Variants in RANBP9 observed in about 807,000 individuals in gnomAD.
RANBP9 encodes ran-binding protein 9.
In RANBP9, 15 loss-of-function variants were observed where a neutral mutation model predicts 84.3. The ratio of observed to expected loss-of-function variants is 0.18; its 90% confidence interval spans 0.12 to 0.27. The LOEUF (loss-of-function observed/expected upper bound fraction) is 0.27. Ranked by LOEUF, RANBP9 falls within the 10% of genes least tolerant of loss-of-function variation. The pLI is 1.00. For synonymous variants in RANBP9, 392 were observed against 349.6 expected (o/e 1.12, Z -1.35); for missense variants, 809 against 912.8 (o/e 0.89, Z 1.46).
In RANBP9 at chr6:13,634,489, A is replaced by G. The variant is rs748370413; in HGVS notation, c.1737T>C (p.Gly579=). 41 of 1,613,512 alleles carry G rather than the reference A, an allele frequency of 2.5e-5. No individual in the cohort carries two copies. The highest frequency in any genetic ancestry group is 3.4e-5 in the Non-Finnish European group (40 of 1,179,626). The change falls in exon 11 of 14, where the codon GGT becomes GGC. Residue 579 remains glycine, a synonymous_variant. Coordinates refer to ENST00000011619, the MANE Select transcript of RANBP9 (RefSeq NM_005493.3). ...CATGTTTAGAGCTACCATTTAGGAA[A>G]CCATTGGATGAAGTTTCTCCAACTC... ...SNGVGETSSN[G]FLNGSSKHDH...
intron 2 of RANBP9, among the ~76,000 whole-genome samples, chr6:13,675,736 A>C (rs1222754250): frequency 2.1e-5 from 3 of 146,048 alleles, no homozygotes; most frequent in East Asian, 2.0e-4. Context: ...GATAACCAAC[A>C]AAAAAAAAAC....
chr6:13,637,481 A>G (rs1436424091), intron 10 of RANBP9, among the ~76,000 whole-genome samples: 3 of 152,256 alleles, frequency 2.0e-5, no homozygotes, highest in Non-Finnish European at 2.9e-5. Context: ...CTGTGAAAAC[A>G]TAACAAATGG....
chr6:13,679,925 T>C (rs2113326035), intron 2 of RANBP9, among the ~76,000 whole-genome samples: 1 of 151,942 alleles, frequency 6.6e-6, no homozygotes, highest in Non-Finnish European at 1.5e-5. Flanking sequence ...TATAAATCGG[T>C]CAAAAAATAG....
At chr6:13,624,392 G>C (rs1764542423) in intron 13 of RANBP9, among the ~76,000 whole-genome samples, 1 of 152,046 alleles carries the variant, frequency 6.6e-6, no homozygotes, top group Admixed American at 6.6e-5. Context: ...AAACTAGTTT[G>C]AAATATGTGA....
chr6:13,634,145 G>T (rs1015296637), intron 11 of RANBP9, among the ~76,000 whole-genome samples: 1 of 152,108 alleles, frequency 6.6e-6, no homozygotes, highest in African/African-American at 2.4e-5. Flanking sequence ...ACCTAAAATA[G>T]CCTAGAGGCT....
At chr6:13,678,696 G>A (rs991941514) in intron 2 of RANBP9, among the ~76,000 whole-genome samples, 13 of 152,084 alleles carry the variant, frequency 8.5e-5, no homozygotes, top group African/African-American at 2.9e-4. Flanking sequence ...CTCTGGCCTG[G>A]ACTTTTCCGT....
chr6:13,705,870 A>G (rs1364981168), intron 1 of RANBP9, among the ~76,000 whole-genome samples: 1 of 148,748 alleles, frequency 6.7e-6, no homozygotes, highest in African/African-American at 2.5e-5. Context: ...CTCCGTCTCA[A>G]AAAAAAAAAA....
At chr6:13,690,903 C>T (rs917864857) in intron 2 of RANBP9, among the ~76,000 whole-genome samples, 14 of 152,014 alleles carry the variant, frequency 9.2e-5, no homozygotes, top group Admixed American at 6.6e-5. Flanking sequence ...TGGTGGCTCA[C>T]GTCTGTAATC....
At chr6:13,673,896 T>C (rs1765829218) in intron 2 of RANBP9, among the ~76,000 whole-genome samples, 1 of 151,966 alleles carries the variant, frequency 6.6e-6, no homozygotes, top group Non-Finnish European at 1.5e-5. Flanking sequence ...CAGCCTGGCC[T>C]ACATGGCAAA....
chr6:13,681,646 C>T (rs1057344817), intron 2 of RANBP9, among the ~76,000 whole-genome samples: 5 of 152,150 alleles, frequency 3.3e-5, no homozygotes, highest in Admixed American at 2.6e-4. Context: ...AAAAATGTTT[C>T]AAGTTTCCTT....
chr6:13,699,208 C>T (rs952812903), intron 1 of RANBP9, among the ~76,000 whole-genome samples: 8 of 152,232 alleles, frequency 5.3e-5, no homozygotes, highest in Admixed American at 3.9e-4. Context: ...AAATCCCATA[C>T]ATTTTTCCAT....
chr6:13,677,951 C>G (rs973294836), intron 2 of RANBP9, among the ~76,000 whole-genome samples: 16 of 151,952 alleles, frequency 1.1e-4, no homozygotes, highest in African/African-American at 3.9e-4. Flanking sequence ...AACCCCGTCT[C>G]TACATAAAAT....
At chr6:13,705,410 A>G (rs868108491) in intron 1 of RANBP9, among the ~76,000 whole-genome samples, 16 of 143,120 alleles carry the variant, frequency 1.1e-4, no homozygotes, top group African/African-American at 4.4e-4. Flanking sequence ...CTGTCTCAAA[A>G]AAAAAAAAAA....
rs115165065 is a variant in RANBP9 at position 13,649,260 on chromosome 6, A to G, written c.927+3399T>C. On this transcript the variant is annotated intron_variant, in intron 5 of 13. Transcript: ENST00000011619. ...GAAACCTAAAACCACCACTGTACCC[A>G]TTGTTACAACAAAGTTGCACATGAT... Among the ~76,000 whole-genome samples the G allele has an allele frequency of 3.2e-3, 488 of 152,256 alleles. 7 individuals are homozygous for G. The highest frequency in any genetic ancestry group is 0.011 in the African/African-American group (456 of 41,550).
intron 13 of RANBP9, among the ~76,000 whole-genome samples, chr6:13,625,139 G>T (rs958727014): frequency 6.6e-6 from 1 of 152,090 alleles, no homozygotes; most frequent in Non-Finnish European, 1.5e-5. Flanking sequence ...TTCTTCAAAT[G>T]TACCCTGTTC....
chr6:13,686,345 G>A (rs1270743649), intron 2 of RANBP9, among the ~76,000 whole-genome samples: 1 of 151,760 alleles, frequency 6.6e-6, no homozygotes, highest in Admixed American at 6.6e-5. Flanking sequence ...GAGTGCAGCG[G>A]CGCGATCTTG....
rs374516308 is a variant in RANBP9, at chr6:13,639,652, C to T, written c.1436G>A (p.Arg479Gln). 1.4e-5 allele frequency: 23 copies of T among 1,612,768 alleles called. No homozygotes were observed. The highest frequency in any genetic ancestry group is 6.7e-5 in the Admixed American group (4 of 59,982). Residue 479 changes from arginine (R) to glutamine (Q), a missense_variant, in exon 9 of 14, where the codon CGA (arginine) becomes CAA (glutamine). Around this residue, in one of 5 missense-constraint regions of RANBP9, gnomAD observed 216 missense variants for 329.0 expected, o/e 0.66. Transcript: ENST00000011619. ...KSQDSYPVSP[R>Q]PFSSPSMSPS... ...GCTCATACTTGGACTACTAAAAGGT[C>T]GAGGACTAACAGGATAACTGTCTTG... is the stretch of plus-strand genomic sequence containing the variant.
chr6:13,662,007 T>C (rs1040624367), intron 2 of RANBP9, among the ~76,000 whole-genome samples: 4 of 152,128 alleles, frequency 2.6e-5, no homozygotes, highest in Non-Finnish European at 5.9e-5. Context: ...AAATAAGATA[T>C]TTTAAGACAC....
At chr6:13,628,996 A>G (rs1764700951) in intron 12 of RANBP9, among the ~76,000 whole-genome samples, 1 of 152,250 alleles carries the variant, frequency 6.6e-6, no homozygotes, top group African/African-American at 2.4e-5. Flanking sequence ...TAATTTAAGA[A>G]ACAAAGATAC....
Sources: allele counts gnomAD v4.1 joint callset (sites outside exome capture counted in the v4.1 genomes callset), GRCh38; gene constraint gnomAD v4.1.1; regional missense constraint gnomAD v4.1.1; transcripts MANE v1.5; gene names NCBI Gene and HGNC (gene_info 2026-07-23, HGNC 2026-07-21).